SPTLC3: variants seen among roughly 807,000 people sequenced by gnomAD.
SPTLC3 encodes serine palmitoyltransferase 3.
In SPTLC3, 36 loss-of-function variants were observed where a neutral mutation model predicts 59.3. The ratio of observed to expected loss-of-function variants is 0.61; its 90% CI spans 0.47 to 0.80. The LOEUF is 0.80. SPTLC3 is among the 30% of genes least tolerant of loss of function. The pLI, the probability that SPTLC3 is intolerant of heterozygous loss-of-function variation, is 0.00. For synonymous variants in SPTLC3, 257 were observed against 240.8 expected, an observed-to-expected ratio of 1.07 and a Z score of -0.62; for missense variants, 625 against 685.1, an observed-to-expected ratio of 0.91 and a Z score of 0.98.
intron 4 of SPTLC3, among the ~76,000 whole-genome samples, chr20:13,084,214 A>G (rs1988934618): frequency 6.6e-6 from 1 of 152,144 alleles, no homozygotes; most frequent in African/African-American, 2.4e-5. Flanking sequence ...AAAAGACTAA[A>G]CCCAACCTGG....
At chr20:13,071,928 C>T (rs1034566120) in intron 2 of SPTLC3, among the ~76,000 whole-genome samples, 2 of 152,190 alleles carry the variant, frequency 1.3e-5, no homozygotes, top group Admixed American at 6.5e-5. Flanking sequence ...ATCATCTCAA[C>T]CATTTTTTTC....
At chr20:13,086,675 T>A (rs537582536) in intron 4 of SPTLC3, among the ~76,000 whole-genome samples, 1 of 152,216 alleles carries the variant, frequency 6.6e-6, no homozygotes, top group Non-Finnish European at 1.5e-5. Flanking sequence ...TTGCTAACCA[T>A]GTGCCCACTG....
chr20:13,018,120 T>A (rs1985635285), intron 1 of SPTLC3, among the ~76,000 whole-genome samples: 1 of 152,208 alleles, frequency 6.6e-6, no homozygotes, highest in South Asian at 2.1e-4. Context: ...ACTTCATGGA[T>A]CATAGACCAG....
At chr20:13,087,869 C>T (rs903291037) in intron 4 of SPTLC3, among the ~76,000 whole-genome samples, 14 of 152,146 alleles carry the variant, frequency 9.2e-5, no homozygotes, top group Non-Finnish European at 1.6e-4. Flanking sequence ...GAAAAATGAC[C>T]AGTTTTCCCT....
At chr20:13,021,533 C>G (rs540765335) in intron 1 of SPTLC3, among the ~76,000 whole-genome samples, 1 of 55,092 alleles carries the variant, frequency 1.8e-5, no homozygotes, top group African/African-American at 7.9e-5. Context: ...CACCTCCCCC[C>G]ACCACAACAG....
At chr20:13,012,003 C>T (rs905974021) in intron 1 of SPTLC3, among the ~76,000 whole-genome samples, 2 of 151,872 alleles carry the variant, frequency 1.3e-5, no homozygotes, top group African/African-American at 4.8e-5. Flanking sequence ...ATAGGAATTT[C>T]CTATTCCTTA....
chr20:13,104,343 CT>C (rs1240663018), intron 6 of SPTLC3, among the ~76,000 whole-genome samples: 2 of 152,156 alleles, frequency 1.3e-5, no homozygotes, highest in African/African-American at 2.4e-5. Context: ...GCGGTTCCCC[CT>C]ATACTGTTCT....
In SPTLC3 at chr20:13,074,477, C is replaced by A; in HGVS notation, c.587C>A (p.Ala196Asp). The change falls in exon 4 of 12, where the codon GCC becomes GAC. Residue 196 changes from alanine to aspartate, a missense_variant. Coordinates refer to ENST00000399002, the MANE Select transcript of SPTLC3 (RefSeq NM_018327.4). Reference protein sequence around the residue: ...DVLEVYGTGVASTRHEMGTLD... With the variant: ...DVLEVYGTGVDSTRHEMGTLD... ...TTAGAGGTGTATGGCACAGGCGTGGCCAGCACCAGGCATGAAATGGGTATG... is the reference window on the plus strand; with the variant it reads ...TTAGAGGTGTATGGCACAGGCGTGGACAGCACCAGGCATGAAATGGGTATG... 6.2e-7 allele frequency: 1 copy of A among 1,613,508 alleles called. No individual in the cohort carries two copies. Among genetic ancestry groups the A allele is most frequent in the Non-Finnish European group, 8.5e-7 (1 of 1,179,646 alleles).
chr20:13,133,589 C>T (rs1443226439), intron 9 of SPTLC3, among the ~76,000 whole-genome samples: 1 of 152,060 alleles, frequency 6.6e-6, no homozygotes, highest in Non-Finnish European at 1.5e-5. Context: ...CAAAAATTAG[C>T]TGGGCATGGT....
intron 1 of SPTLC3, among the ~76,000 whole-genome samples, chr20:13,043,251 T>C (rs542183225): frequency 6.6e-6 from 1 of 152,268 alleles, no homozygotes; most frequent in East Asian, 1.9e-4. Context: ...CTAGATTTCC[T>C]TTGCCATTTC....
intron 9 of SPTLC3, among the ~76,000 whole-genome samples, chr20:13,142,976 G>A (rs1225214099): frequency 2.0e-5 from 3 of 152,088 alleles, no homozygotes; most frequent in Admixed American, 2.0e-4. Context: ...ACCTAATCAG[G>A]GCTCTCTTAA....
At chr20:13,030,964 C>T (rs750719098) in intron 1 of SPTLC3, among the ~76,000 whole-genome samples, 4 of 152,118 alleles carry the variant, frequency 2.6e-5, no homozygotes, top group East Asian at 1.9e-4. Flanking sequence ...ATTGTTCATC[C>T]GTATTTCCTT....
intron 10 of SPTLC3, among the ~76,000 whole-genome samples, chr20:13,158,972 G>C (rs986589616): frequency 1.3e-5 from 2 of 152,196 alleles, no homozygotes; most frequent in Non-Finnish European, 2.9e-5. Context: ...GCTAAGAACA[G>C]ATCTGAGGCA....
chr20:13,074,442 A>G lies in SPTLC3; in HGVS notation c.552A>G (p.Ile184Met). The part of the protein sequence containing the change: ...AAKYDESMRT[I>M]KDVLEVYGTG... ...AGTATGATGAGTCTATGAGGACAAT[A>G]AAGGATGTTTTAGAGGTGTATGGCA... is the stretch of plus-strand genomic sequence containing the variant. The change falls in exon 4 of 12, where the codon ATA (isoleucine) becomes ATG (methionine). Residue 184 changes from isoleucine to methionine, a missense_variant. Coordinates refer to ENST00000399002, the MANE Select transcript of SPTLC3 (RefSeq NM_018327.4). 4 of 1,614,110 alleles carry G rather than the reference A, an allele frequency of 2.5e-6. No individual in the cohort carries two copies. Among genetic ancestry groups the G allele is most frequent in the Non-Finnish European group, 3.4e-6 (4 of 1,179,970 alleles).
At chr20:13,142,927 T>C (rs1275454795) in intron 9 of SPTLC3, among the ~76,000 whole-genome samples, 1 of 152,122 alleles carries the variant, frequency 6.6e-6, no homozygotes, top group Non-Finnish European at 1.5e-5. Context: ...TCTCTTTGAA[T>C]CTCTTTTAAA....
At position 13,117,736 on chromosome 20, in the gene SPTLC3, G is replaced by T. The variant is rs1191417792; in HGVS notation, c.1152+11G>T. 1 of 1,600,038 alleles carries T rather than the reference G, an allele frequency of 6.2e-7. No individual in the cohort carries two copies. The highest frequency in any genetic ancestry group is 2.2e-5 in the East Asian group (1 of 44,702). On this transcript the variant is annotated intron_variant, in intron 8 of 11. Transcript: ENST00000399002. ...ATAGCTGGAAGGAAGGTAAGAGAGG[G>T]CCTGCTTGTGTCTGTTTAAAACCTG...
At chr20:13,125,793 C>G (rs989424668) in intron 8 of SPTLC3, among the ~76,000 whole-genome samples, 5 of 152,196 alleles carry the variant, frequency 3.3e-5, no homozygotes, top group African/African-American at 1.2e-4. Context: ...AGACCCAGAA[C>G]CACCACACCA....
chr20:13,023,664 A>C (rs2122398489), intron 1 of SPTLC3, among the ~76,000 whole-genome samples: 1 of 152,290 alleles, frequency 6.6e-6, no homozygotes, highest in South Asian at 2.1e-4. Flanking sequence ...CAGCATGGCT[A>C]CTATTTACTA....
At chr20:13,159,749 T>G (rs1335781570) in intron 10 of SPTLC3, among the ~76,000 whole-genome samples, 2 of 152,152 alleles carry the variant, frequency 1.3e-5, no homozygotes, top group African/African-American at 4.8e-5. Flanking sequence ...ATATCCACAA[T>G]TATCTAATGA....
Sources: allele counts gnomAD v4.1 joint callset (sites outside exome capture counted in the v4.1 genomes callset), GRCh38; gene constraint gnomAD v4.1.1; transcripts MANE v1.5; gene names NCBI Gene and HGNC (gene_info 2026-07-23, HGNC 2026-07-21).